Variants in ST18 observed in about 807,000 individuals in gnomAD.
ST18 encodes the protein suppression of tumorigenicity 18 protein.
In ST18, 50 loss-of-function variants were observed where a neutral mutation model predicts 110.0. The observed-to-expected ratio is 0.45, with a 90% CI of 0.36 to 0.58. The LOEUF is 0.58. ST18 is among the 20% of genes least tolerant of loss of function. ST18 has a pLI of 0.00. For missense variants in ST18, 1,306 were observed against 1,280.1 expected, an observed-to-expected ratio of 1.02 and a Z score of -0.31; for synonymous variants, 461 against 452.4, an observed-to-expected ratio of 1.02 and a Z score of -0.24.
rs534283816 is a variant in ST18, at chr8:52,318,179, G to A, written c.-464-88102C>T. On this transcript the variant is annotated intron_variant, in intron 2 of 25. Transcript: ENST00000689386. ...ATCTATAAGCAACTTAAATTTACAA[G>A]AAAAAACAAAAACAAACTTACAAGA... is the stretch of plus-strand genomic sequence containing the variant. Among the ~76,000 whole-genome samples, 5 of 151,432 alleles carry A rather than the reference G, an allele frequency of 3.3e-5. No individual in the cohort carries two copies. In the South Asian group the frequency reaches 1.1e-3, roughly 32 times the overall value.
At chr8:52,265,764 A>G (rs925498349) in intron 2 of ST18, among the ~76,000 whole-genome samples, 2 of 152,218 alleles carry the variant, frequency 1.3e-5, no homozygotes, top group African/African-American at 4.8e-5. Flanking sequence ...GAATAAAATT[A>G]CTATTTGGGA....
chr8:52,228,837 G>T (rs1427857969), intron 3 of ST18, among the ~76,000 whole-genome samples: 1 of 152,082 alleles, frequency 6.6e-6, no homozygotes, highest in Non-Finnish European at 1.5e-5. Context: ...GGTCTCTGCA[G>T]CAGAGACCTG....
intron 8 of ST18, among the ~76,000 whole-genome samples, chr8:52,197,375 T>TAAATA (rs2076496846): frequency 6.6e-6 from 1 of 152,210 alleles, no homozygotes; most frequent in African/African-American, 2.4e-5. Context: ...TTTACGTTTG[T>TAAATA]GAAGCAGGCA....
chr8:52,141,358 C>A (rs1397471761), intron 17 of ST18, among the ~76,000 whole-genome samples: 1 of 152,130 alleles, frequency 6.6e-6, no homozygotes, highest in Non-Finnish European at 1.5e-5. Flanking sequence ...TAAGAGGCAG[C>A]ACAGTGCATA....
intron 14 of ST18, among the ~76,000 whole-genome samples, chr8:52,159,744 C>T: frequency 6.6e-6 from 1 of 152,042 alleles, no homozygotes; most frequent in African/African-American, 2.4e-5. Context: ...AAAGGGCAGG[C>T]AGGAAATGTT....
chr8:52,352,667 G>C (rs919695562), intron 2 of ST18, among the ~76,000 whole-genome samples: 39 of 152,140 alleles, frequency 2.6e-4, no homozygotes, highest in Admixed American at 7.2e-4. Context: ...CCCCGTGCTG[G>C]GCACTAGCGA....
intron 8 of ST18, among the ~76,000 whole-genome samples, chr8:52,188,576 T>C (rs73587565): frequency 0.22 from 33,828 of 152,196 alleles, 7,067 homozygotes; most frequent in African/African-American, 0.55. Flanking sequence ...TTGTAGTGTT[T>C]TGATAGAGTG....
At chr8:52,279,395 T>C (rs1438688012) in intron 2 of ST18, among the ~76,000 whole-genome samples, 1 of 152,140 alleles carries the variant, frequency 6.6e-6, no homozygotes, top group African/African-American at 2.4e-5. Context: ...ATTAAAATAT[T>C]AAAGTTATGA....
At chr8:52,399,051 T>C (rs1322571842) in intron 2 of ST18, among the ~76,000 whole-genome samples, 1 of 152,116 alleles carries the variant, frequency 6.6e-6, no homozygotes, top group Non-Finnish European at 1.5e-5. Flanking sequence ...AATTCAGCTC[T>C]GAAGCCAACT....
chr8:52,227,816 A>G (rs552521901), intron 3 of ST18, among the ~76,000 whole-genome samples: 2 of 152,230 alleles, frequency 1.3e-5, no homozygotes, highest in Non-Finnish European at 2.9e-5. Context: ...CTTGATGACT[A>G]TGTTCTGCCT....
chr8:52,128,601 T>C (rs1022390867), intron 22 of ST18, among the ~76,000 whole-genome samples: 1 of 152,188 alleles, frequency 6.6e-6, no homozygotes, highest in African/African-American at 2.4e-5. Context: ...TGGGTCAAAT[T>C]GTTCTTAAAC....
intron 6 of ST18, among the ~76,000 whole-genome samples, chr8:52,216,465 G>T (rs1169281657): frequency 1.3e-5 from 2 of 152,168 alleles, no homozygotes; most frequent in African/African-American, 4.8e-5. Flanking sequence ...AATTTAACTT[G>T]TGGGTCAAGT....
intron 15 of ST18, among the ~76,000 whole-genome samples, chr8:52,155,915 C>T (rs2059902261): frequency 6.6e-6 from 1 of 152,018 alleles, no homozygotes; most frequent in Non-Finnish European, 1.5e-5. Context: ...AAGATTGTGC[C>T]CATGGGTGAC....
intron 9 of ST18, among the ~76,000 whole-genome samples, chr8:52,176,695 T>C (rs1377576619): frequency 6.6e-6 from 1 of 152,244 alleles, no homozygotes; most frequent in African/African-American, 2.4e-5. Flanking sequence ...CTGGTAATCC[T>C]ACAGATACAT....
intron 2 of ST18, among the ~76,000 whole-genome samples, chr8:52,331,983 T>TG (rs1357336085): frequency 4.6e-5 from 7 of 152,126 alleles, no homozygotes; most frequent in African/African-American, 1.7e-4. Flanking sequence ...TAATTCTGTG[T>TG]GAAAAAGTAT....
chr8:52,360,680 AT>A (rs929560526), intron 2 of ST18, among the ~76,000 whole-genome samples: 2 of 152,120 alleles, frequency 1.3e-5, no homozygotes, highest in African/African-American at 4.8e-5. Flanking sequence ...GTTGCTAAGT[AT>A]TTTTCGATTT....
chr8:52,198,114 C>G (rs2076782734), intron 8 of ST18, among the ~76,000 whole-genome samples: 1 of 152,162 alleles, frequency 6.6e-6, no homozygotes, highest in South Asian at 2.1e-4. Context: ...CTTCGTGATT[C>G]TCCTGCCTCA....
intron 5 of ST18, among the ~76,000 whole-genome samples, chr8:52,218,599 C>T (rs1032340063): frequency 1.4e-5 from 2 of 143,602 alleles, no homozygotes; most frequent in Admixed American, 1.4e-4. Flanking sequence ...TGGGTTTCAC[C>T]ATGTTGGTCA....
intron 2 of ST18, among the ~76,000 whole-genome samples, chr8:52,389,207 C>G (rs1042211131): frequency 1.4e-4 from 21 of 152,244 alleles, no homozygotes; most frequent in African/African-American, 4.3e-4. Flanking sequence ...GCGCGGAGGG[C>G]TCCAGCAAGG....
Sources: gnomAD v4.1 joint callset for allele counts (sites outside exome capture counted in the v4.1 genomes callset) on GRCh38, gnomAD v4.1.1 for gene constraint, MANE v1.5 for transcripts, NCBI Gene and HGNC (gene_info 2026-07-23, HGNC 2026-07-21) for gene names.